The following CNTLN variants were observed in gnomAD, a reference collection of about 807,000 sequenced individuals.
The protein encoded by CNTLN is centlein, centrosomal protein.
Under a neutral mutation model 180.0 loss-of-function variants are expected in CNTLN, and 212 were observed. The ratio of observed to expected loss-of-function variants is 1.18; its 90% CI spans 1.05 to 1.32. The LOEUF (loss-of-function observed/expected upper bound fraction) is 1.32. CNTLN is among the 40% of genes most tolerant of loss of function. CNTLN has a pLI of 0.00. For missense variants in CNTLN, 2,095 were observed against 1,610.9 expected (o/e 1.30, Z -5.14); for synonymous variants, 722 against 563.1 (o/e 1.28, Z -3.99).
chr9:17,216,445 G>A (rs1823759511), intron 2 of CNTLN, among the ~76,000 whole-genome samples: 1 of 152,080 alleles, frequency 6.6e-6, no homozygotes, highest in Non-Finnish European at 1.5e-5. Context: ...TGGTAAAAGG[G>A]AATAAAGGCA....
chr9:17,519,907 C>T, the CNTLN span, among the ~76,000 whole-genome samples: 2 of 152,164 alleles, frequency 1.3e-5, no homozygotes, highest in Non-Finnish European at 2.9e-5. Flanking sequence ...TGGGGTGAAG[C>T]AAGAGGCATG....
rs1248076688 is a variant in CNTLN, at chr9:17,484,317, A to G, written c.3878A>G (p.Asn1293Ser). Residue 1293 changes from asparagine (N) to serine (S), a missense_variant, in exon 24 of 26, where the codon AAT becomes AGT. Coordinates refer to ENST00000380647, the MANE Select transcript of CNTLN (RefSeq NM_017738.4). ...FVKALAKELQ[N>S]DVHVVRRQIR... is the part of the protein sequence containing the mutation. ...CAGGCTTTGGCCAAAGAGTTGCAAA[A>G]TGATGTCCATGTGGTAAGGCGACAA... 7 of 1,600,962 alleles carry G rather than the reference A, an allele frequency of 4.4e-6. No homozygotes were observed. Among genetic ancestry groups the G allele is most frequent in the Non-Finnish European group, 5.9e-6 (7 of 1,176,702 alleles).
intron 1 of CNTLN, among the ~76,000 whole-genome samples, chr9:17,142,155 C>A (rs1290357320): frequency 6.6e-6 from 1 of 151,866 alleles, no homozygotes; most frequent in Non-Finnish European, 1.5e-5. Flanking sequence ...AACCCTAACA[C>A]CCGGCTCATA....
chr9:17,270,270 GTAAGAAAATTCTTCTGTATTCC>G (rs1827836130), intron 5 of CNTLN, among the ~76,000 whole-genome samples: 1 of 151,986 alleles, frequency 6.6e-6, no homozygotes, highest in South Asian at 2.1e-4. Context: ...TATTACTAAA[GTAAGAAAATTCTTCTGTATTCC>G]TATTTTGTTG....
chr9:17,206,410 C>T (rs1822926817), intron 2 of CNTLN, among the ~76,000 whole-genome samples: 1 of 152,160 alleles, frequency 6.6e-6, no homozygotes, highest in Admixed American at 6.5e-5. Flanking sequence ...AATCGGATGA[C>T]ATTAAATACG....
chr9:17,329,298 T>TACAA, intron 8 of CNTLN, among the ~76,000 whole-genome samples: 1 of 152,034 alleles, frequency 6.6e-6, no homozygotes, highest in South Asian at 2.1e-4. Context: ...AAGGAAATAT[T>TACAA]TCTAAACCTC....
chr9:17,467,226 C>A (rs1831803606), intron 23 of CNTLN, among the ~76,000 whole-genome samples: 1 of 151,498 alleles, frequency 6.6e-6, no homozygotes, highest in Non-Finnish European at 1.5e-5. Flanking sequence ...CAAGCAGGAA[C>A]AACCAGAAAC....
intron 25 of CNTLN, among the ~76,000 whole-genome samples, chr9:17,488,942 A>C (rs1451110094): frequency 6.6e-6 from 1 of 152,100 alleles, no homozygotes; most frequent in Admixed American, 6.6e-5. Context: ...ATCATTTTTC[A>C]AGCTAATTTT....
intron 3 of CNTLN, among the ~76,000 whole-genome samples, chr9:17,228,926 G>A (rs941233052): frequency 3.3e-5 from 5 of 152,030 alleles, no homozygotes; most frequent in African/African-American, 1.2e-4. Context: ...GCTCCTCTTA[G>A]AAAGTTTGTG....
At chr9:17,140,652 G>A (rs1411941189) in intron 1 of CNTLN, among the ~76,000 whole-genome samples, 1 of 151,996 alleles carries the variant, frequency 6.6e-6, no homozygotes, top group African/African-American at 2.4e-5. Context: ...ATGTTGCCCA[G>A]GCCAGTCTCA....
intron 25 of CNTLN, among the ~76,000 whole-genome samples, chr9:17,489,468 G>A (rs1833040714): frequency 6.6e-6 from 1 of 151,884 alleles, no homozygotes; most frequent in Non-Finnish European, 1.5e-5. Context: ...TCTGTGTGTT[G>A]GGTGCTGTAT....
intron 2 of CNTLN, among the ~76,000 whole-genome samples, chr9:17,203,398 A>G (rs1822688483): frequency 1.3e-5 from 2 of 151,714 alleles, no homozygotes; most frequent in Non-Finnish European, 1.5e-5. Context: ...TAGGTTGGGG[A>G]TGTTCTCCTG....
At chr9:17,333,020 A>G (rs1820748062) in intron 10 of CNTLN, among the ~76,000 whole-genome samples, 1 of 152,142 alleles carries the variant, frequency 6.6e-6, no homozygotes, top group African/African-American at 2.4e-5. Context: ...AAGGCAAAAA[A>G]TAGAATTGTA....
chr9:17,489,237 C>CT (rs1435948179), intron 25 of CNTLN, among the ~76,000 whole-genome samples: 3 of 151,876 alleles, frequency 2.0e-5, no homozygotes, highest in Non-Finnish European at 4.4e-5. Context: ...TTTTTAGAGT[C>CT]TGAGTTACAC....
At chr9:17,462,835 C>G in intron 19 of CNTLN, 81 bp from the exon 20 acceptor site, 1 of 522,542 alleles carries the variant, frequency 1.9e-6, no homozygotes, top group Non-Finnish European at 3.3e-6. Context: ...AGGTATTCTT[C>G]TTTAGAATGG....
chr9:17,199,614 A>G (rs1032647279), intron 2 of CNTLN, among the ~76,000 whole-genome samples: 5 of 151,736 alleles, frequency 3.3e-5, no homozygotes, highest in East Asian at 3.9e-4. Context: ...CTTTTTTTCT[A>G]TGTTTGTTGG....
intron 6 of CNTLN, among the ~76,000 whole-genome samples, chr9:17,284,843 G>A (rs1193487543): frequency 1.3e-5 from 2 of 151,770 alleles, no homozygotes; most frequent in African/African-American, 2.4e-5. Context: ...TTTTAGTTTT[G>A]ATGTTAGGGT....
chr9:17,412,007 C>T (rs1193380233), intron 16 of CNTLN, among the ~76,000 whole-genome samples: 1 of 152,038 alleles, frequency 6.6e-6, no homozygotes, highest in African/African-American at 2.4e-5. Context: ...ACTACTTATA[C>T]CTAACAAGCC....
chr9:17,204,758 A>G (rs1294606327), intron 2 of CNTLN, among the ~76,000 whole-genome samples: 3 of 152,116 alleles, frequency 2.0e-5, no homozygotes, highest in Non-Finnish European at 2.9e-5. Flanking sequence ...GGCAGCCAGG[A>G]AAGATTAAGC....
Sources: allele counts gnomAD v4.1 joint callset (sites outside exome capture counted in the v4.1 genomes callset), GRCh38; gene constraint gnomAD v4.1.1; transcripts MANE v1.5; gene names NCBI Gene and HGNC (gene_info 2026-07-23, HGNC 2026-07-21).